Variants in SLIT3 observed in about 807,000 individuals in gnomAD.
The protein encoded by SLIT3 is slit guidance ligand 3.
A neutral mutation model predicts 184.0 loss-of-function variants in SLIT3; 68 were observed. The observed-to-expected ratio is 0.37, with a 90% CI of 0.30 to 0.45. SLIT3 has a LOEUF of 0.45. SLIT3 is among the 20% of genes least tolerant of loss of function. The pLI, the probability that SLIT3 is intolerant of heterozygous loss-of-function variation, is 1.00. For synonymous variants in SLIT3, 831 were observed against 828.6 expected, an observed-to-expected ratio of 1.00 and a Z score of -0.05; for missense variants, 1,707 against 2,026.0, an observed-to-expected ratio of 0.84 and a Z score of 3.02.
intron 23 of SLIT3, among the ~76,000 whole-genome samples, chr5:168,714,891 C>G (rs903508832): frequency 6.6e-6 from 1 of 152,168 alleles, no homozygotes; most frequent in African/African-American, 2.4e-5. Context: ...ATGTTAAAGG[C>G]AAACTTAAGA....
intron 4 of SLIT3, among the ~76,000 whole-genome samples, chr5:169,086,951 T>G (rs1195671654): frequency 6.6e-6 from 1 of 152,170 alleles, no homozygotes; most frequent in Admixed American, 6.5e-5. Flanking sequence ...AGTGAGAAAC[T>G]GCTGAGCATA....
At chr5:168,976,152 G>A (rs1015084846) in intron 4 of SLIT3, among the ~76,000 whole-genome samples, 4 of 152,190 alleles carry the variant, frequency 2.6e-5, no homozygotes, top group African/African-American at 7.2e-5. Flanking sequence ...TGAGGTAGGT[G>A]CTGTCATTAC....
At chr5:169,229,642 T>TTCTC (rs60056409) in intron 3 of SLIT3, among the ~76,000 whole-genome samples, 10,718 of 148,250 alleles carry the variant, frequency 0.072, 465 homozygotes, top group African/African-American at 0.11. Context: ...AAATAAATTC[T>TTCTC]TCTCTCTCTC....
chr5:169,107,007 C>T (rs1581416116), intron 4 of SLIT3, among the ~76,000 whole-genome samples: 1 of 152,214 alleles, frequency 6.6e-6, no homozygotes, highest in African/African-American at 2.4e-5. Flanking sequence ...GGAGGCAGCA[C>T]CTGGCAGCCC....
intron 3 of SLIT3, among the ~76,000 whole-genome samples, chr5:169,202,087 G>A (rs146062179): frequency 6.6e-6 from 1 of 152,212 alleles, no homozygotes; most frequent in African/African-American, 2.4e-5. Context: ...CAAAGAATTA[G>A]CTGAGCATGG....
intron 7 of SLIT3, among the ~76,000 whole-genome samples, chr5:168,818,557 T>G (rs1350080955): frequency 2.0e-5 from 3 of 152,354 alleles, no homozygotes; most frequent in African/African-American, 7.2e-5. Context: ...CAGCTTGTCA[T>G]GTACTTGCAT....
At chr5:169,162,895 GAAGGT>G (rs1018935928) in intron 4 of SLIT3, among the ~76,000 whole-genome samples, 33 of 152,318 alleles carry the variant, frequency 2.2e-4, no homozygotes, top group African/African-American at 7.9e-4. Flanking sequence ...ATCATAATAG[GAAGGT>G]AAGGTAGGAG....
chr5:169,215,579 G>T (rs528708427), intron 3 of SLIT3, among the ~76,000 whole-genome samples: 3 of 152,284 alleles, frequency 2.0e-5, no homozygotes, highest in African/African-American at 7.2e-5. Context: ...ATCAATAAAT[G>T]AGTGTGGCTG....
chr5:169,015,718 A>G (rs1756336317), intron 4 of SLIT3, among the ~76,000 whole-genome samples: 2 of 152,052 alleles, frequency 1.3e-5, no homozygotes, highest in South Asian at 4.2e-4. Flanking sequence ...ATACAAGACC[A>G]GCCTGGGCAA....
At chr5:168,901,208 A>C (rs531623069) in intron 4 of SLIT3, among the ~76,000 whole-genome samples, 1 of 152,062 alleles carries the variant, frequency 6.6e-6, no homozygotes. Flanking sequence ...AAAACACAAA[A>C]ACAAAATTAG....
chr5:169,207,948 C>A (rs569097551), intron 3 of SLIT3, among the ~76,000 whole-genome samples: 1 of 152,174 alleles, frequency 6.6e-6, no homozygotes, highest in Non-Finnish European at 1.5e-5. Flanking sequence ...TCTTGGACTT[C>A]CCCTTATTTA....
At chr5:168,770,659 T>TGA (rs1755516790) in intron 14 of SLIT3, among the ~76,000 whole-genome samples, 1 of 151,868 alleles carries the variant, frequency 6.6e-6, no homozygotes, top group East Asian at 1.9e-4. Context: ...TAGCATTGTT[T>TGA]TTTTTTTTAA....
chr5:169,140,221 T>C (rs913451720), intron 4 of SLIT3, among the ~76,000 whole-genome samples: 18 of 147,916 alleles, frequency 1.2e-4, no homozygotes, highest in Admixed American at 4.8e-4. Context: ...TCCCAGCACT[T>C]TGGGAGACCA....
At chr5:168,938,258 A>C (rs1033027142) in intron 4 of SLIT3, among the ~76,000 whole-genome samples, 1 of 152,226 alleles carries the variant, frequency 6.6e-6, no homozygotes, top group Non-Finnish European at 1.5e-5. Flanking sequence ...CCACCAAAAA[A>C]ATCCTGCCAG....
chr5:169,268,209 G>A (rs923995259), intron 1 of SLIT3, among the ~76,000 whole-genome samples: 7 of 151,358 alleles, frequency 4.6e-5, no homozygotes, highest in Non-Finnish European at 1.0e-4. Flanking sequence ...GGTCTGTTGC[G>A]AAGGAGGAGT....
intron 4 of SLIT3, among the ~76,000 whole-genome samples, chr5:168,983,088 T>G (rs1010297900): frequency 1.3e-5 from 2 of 152,220 alleles, no homozygotes; most frequent in Non-Finnish European, 2.9e-5. Context: ...GTCATACTGC[T>G]GACCTGAAGA....
intron 4 of SLIT3, among the ~76,000 whole-genome samples, chr5:169,057,180 G>GAT (rs1273862067): frequency 6.6e-6 from 1 of 152,234 alleles, no homozygotes; most frequent in Non-Finnish European, 1.5e-5. Context: ...GGGAAGTTGA[G>GAT]AAGGAGGGTC....
chr5:168,824,109 G>A (rs1162413535), intron 6 of SLIT3, among the ~76,000 whole-genome samples: 2 of 152,100 alleles, frequency 1.3e-5, no homozygotes, highest in East Asian at 3.9e-4. Flanking sequence ...ACTAATTTTT[G>A]TATTTTTAGT....
At chr5:169,118,546 T>C (rs1272299377) in intron 4 of SLIT3, among the ~76,000 whole-genome samples, 1 of 152,152 alleles carries the variant, frequency 6.6e-6, no homozygotes, top group African/African-American at 2.4e-5. Flanking sequence ...CAGGACCGAG[T>C]CAAGACCCAT....
Sources: allele counts gnomAD v4.1 joint callset (sites outside exome capture counted in the v4.1 genomes callset), GRCh38; gene constraint gnomAD v4.1.1; transcripts MANE v1.5; gene names NCBI Gene and HGNC (gene_info 2026-07-23, HGNC 2026-07-21).